The following SPTLC3 variants were observed in gnomAD, a reference collection of about 807,000 sequenced individuals.
SPTLC3 encodes the protein serine palmitoyltransferase long chain base subunit 3, also known as serine palmitoyltransferase 3.
In SPTLC3, 36 loss-of-function variants were observed where a neutral mutation model predicts 59.3. The ratio of observed to expected loss-of-function variants is 0.61; its 90% CI spans 0.47 to 0.80. The LOEUF (loss-of-function observed/expected upper bound fraction) is 0.80, where lower values mean the gene tolerates loss of function less well. Among genes scored for constraint, SPTLC3 ranks in the 30% least tolerant of loss-of-function variants. SPTLC3 has a pLI of 0.00. For synonymous variants in SPTLC3, 257 were observed against 240.8 expected, an observed-to-expected ratio of 1.07 and a Z score of -0.62; for missense variants, 625 against 685.1, an observed-to-expected ratio of 0.91 and a Z score of 0.98.
In SPTLC3 at chr20:13,049,069, A is replaced by C. The variant is rs753175383; in HGVS notation, c.242A>C (p.Asp81Ala). The C allele has an allele frequency of 1.2e-6, 2 of 1,613,890 alleles. No individual in the cohort carries two copies. The highest frequency in any genetic ancestry group is 4.5e-5 in the East Asian group (2 of 44,846). Residue 81 changes from aspartate (D) to alanine (A), a missense_variant, in exon 2 of 12, where the codon GAC becomes GCC. Coordinates refer to ENST00000399002, the MANE Select transcript of SPTLC3 (RefSeq NM_018327.4). The stretch of plus-strand genomic sequence containing the variant: ...GGAACCCTGTTTGGCTATCTCAGAG[A>C]CTTTTTAAGAAACTGGGGAATAGAA... Reference protein sequence around the residue: ...GIGTLFGYLRDFLRNWGIEKC... With the variant: ...GIGTLFGYLRAFLRNWGIEKC...
At chr20:13,039,850 CT>C (rs1355605669) in intron 1 of SPTLC3, among the ~76,000 whole-genome samples, 5 of 151,958 alleles carry the variant, frequency 3.3e-5, no homozygotes, top group African/African-American at 1.2e-4. Context: ...TTTATACAAA[CT>C]TAAATCCAGT....
intron 9 of SPTLC3, among the ~76,000 whole-genome samples, chr20:13,132,302 G>A (rs2122830782): frequency 6.7e-6 from 1 of 149,490 alleles, no homozygotes; most frequent in East Asian, 2.0e-4. Flanking sequence ...TCAGCCTCCT[G>A]AGTAGCTGGG....
intron 2 of SPTLC3, among the ~76,000 whole-genome samples, chr20:13,067,793 C>A (rs114576061): frequency 1.3e-3 from 198 of 152,230 alleles, no homozygotes; most frequent in African/African-American, 4.6e-3. Context: ...CCAAGTTCTG[C>A]CTTAGAAACA....
chr20:13,134,712 G>A (rs944826412), intron 9 of SPTLC3, among the ~76,000 whole-genome samples: 4 of 152,090 alleles, frequency 2.6e-5, no homozygotes, highest in Non-Finnish European at 5.9e-5. Flanking sequence ...GAGAAGTAAA[G>A]TGAACAGAGG....
At chr20:13,022,015 C>T (rs184521067) in intron 1 of SPTLC3, among the ~76,000 whole-genome samples, 104 of 152,182 alleles carry the variant, frequency 6.8e-4, no homozygotes, top group African/African-American at 2.5e-3. Flanking sequence ...TTGATCTTTC[C>T]ACTTGGATAA....
At chr20:13,021,898 G>C (rs1462355910) in intron 1 of SPTLC3, among the ~76,000 whole-genome samples, 1 of 152,136 alleles carries the variant, frequency 6.6e-6, no homozygotes, top group Non-Finnish European at 1.5e-5. Flanking sequence ...ATGATAGATA[G>C]ATATAGATAA....
chr20:13,160,107 C>T lies in SPTLC3; in HGVS notation c.1520C>T (p.Ala507Val). 3 of 1,613,938 alleles carry T rather than the reference C, an allele frequency of 1.9e-6. No homozygotes were observed. The highest frequency in any genetic ancestry group is 1.7e-6 in the Non-Finnish European group (2 of 1,179,942). The change falls in exon 11 of 12, where the codon GCA becomes GTA. Residue 507 changes from alanine (A) to valine (V), a missense_variant. Ala to Val is a moderately conservative substitution (Grantham distance 64). Coordinates refer to ENST00000399002, the MANE Select transcript of SPTLC3 (RefSeq NM_018327.4). ...CGGGCTCGGTTTTGTGTTTCAGCGG[C>T]ACATACCCGGGAGATGTTAGACACG... is the stretch of plus-strand genomic sequence containing the variant. ...EARARFCVSA[A>V]HTREMLDTVL...
At chr20:13,148,510 T>G (rs1185786194) in intron 9 of SPTLC3, among the ~76,000 whole-genome samples, 2 of 152,116 alleles carry the variant, frequency 1.3e-5, no homozygotes, top group Non-Finnish European at 2.9e-5. Flanking sequence ...CACGAAAAGG[T>G]ATCTCAGGAA....
intron 9 of SPTLC3, among the ~76,000 whole-genome samples, chr20:13,132,128 T>C (rs2038133120): frequency 6.6e-6 from 1 of 151,500 alleles, no homozygotes; most frequent in Non-Finnish European, 1.5e-5. Flanking sequence ...CTATCCTAAA[T>C]AGCAAATCCT....
chr20:13,112,859 C>T (rs1990314002), intron 7 of SPTLC3, among the ~76,000 whole-genome samples: 1 of 152,152 alleles, frequency 6.6e-6, no homozygotes, highest in Non-Finnish European at 1.5e-5. Flanking sequence ...AGCCTTTATA[C>T]AGGTGTTCTA....
intron 2 of SPTLC3, among the ~76,000 whole-genome samples, chr20:13,062,321 AACC>A (rs969535110): frequency 6.6e-6 from 1 of 152,228 alleles, no homozygotes; most frequent in Non-Finnish European, 1.5e-5. Context: ...CTAAGAAGGC[AACC>A]CCAAAATACC....
chr20:13,064,085 A>G (rs952551194), intron 2 of SPTLC3, among the ~76,000 whole-genome samples: 10 of 146,480 alleles, frequency 6.8e-5, no homozygotes, highest in Non-Finnish European at 1.5e-4. Flanking sequence ...GCTGGAGTGC[A>G]GTGGTGTGAT....
intron 6 of SPTLC3, among the ~76,000 whole-genome samples, chr20:13,097,389 G>A (rs1989454864): frequency 1.3e-5 from 2 of 152,012 alleles, no homozygotes; most frequent in South Asian, 4.1e-4. Context: ...AGCTAAACTG[G>A]TTTTTCTCAA....
intron 1 of SPTLC3, among the ~76,000 whole-genome samples, chr20:13,019,634 A>T (rs1449436998): frequency 1.3e-5 from 2 of 152,210 alleles, no homozygotes; most frequent in Admixed American, 1.3e-4. Context: ...ATTAAGTCCC[A>T]AAGTGTTCAT....
chr20:13,140,406 C>T (rs756654419), intron 9 of SPTLC3, among the ~76,000 whole-genome samples: 1 of 152,200 alleles, frequency 6.6e-6, no homozygotes, highest in Admixed American at 6.5e-5. Flanking sequence ...ATGTTCATCA[C>T]ATTGGCACCC....
chr20:13,016,101 A>G (rs1985516723), intron 1 of SPTLC3, among the ~76,000 whole-genome samples: 1 of 152,064 alleles, frequency 6.6e-6, no homozygotes, highest in Non-Finnish European at 1.5e-5. Flanking sequence ...GAGGCCAAAC[A>G]CCAGAAAGAA....
At chr20:13,105,187 TC>T (rs1989813044) in intron 6 of SPTLC3, among the ~76,000 whole-genome samples, 1 of 152,054 alleles carries the variant, frequency 6.6e-6, no homozygotes, top group Non-Finnish European at 1.5e-5. Flanking sequence ...GGGGCCAGAA[TC>T]CAGGCCGAGC....
chr20:13,133,771 G>T (rs535792645), intron 9 of SPTLC3, among the ~76,000 whole-genome samples: 3 of 152,130 alleles, frequency 2.0e-5, no homozygotes, highest in African/African-American at 7.2e-5. Context: ...GGGAACTTAC[G>T]TACAGGGATG....
chr20:13,009,330 C>T lies in SPTLC3; in HGVS notation c.63C>T (p.Ser21=). Residue 21 remains serine, a synonymous_variant, in exon 1 of 12, where the codon AGC becomes AGT. Coordinates refer to ENST00000399002, the MANE Select transcript of SPTLC3 (RefSeq NM_018327.4). ...AACTTCACAATCACAAGAAACAGAG[C>T]AATGGCTCACAAAGCAGAAACTGCA... ...NGKLHNHKKQ[S]NGSQSRNCTK... 2 of 1,614,026 alleles carry T rather than the reference C, an allele frequency of 1.2e-6. No individual in the cohort carries two copies. Among genetic ancestry groups the T allele is most frequent in the Non-Finnish European group, 1.7e-6 (2 of 1,179,954 alleles).
Sources: gnomAD v4.1 joint callset for allele counts (sites outside exome capture counted in the v4.1 genomes callset) on GRCh38, gnomAD v4.1.1 for gene constraint, MANE v1.5 for transcripts, NCBI Gene and HGNC (gene_info 2026-07-23, HGNC 2026-07-21) for gene names.